ARIH1: variants seen among roughly 807,000 people sequenced by gnomAD.
ARIH1 encodes the protein ariadne RBR E3 ubiquitin protein ligase 1.
Under a neutral mutation model 85.0 loss-of-function variants are expected in ARIH1, and 8 were observed. The ratio of observed to expected loss-of-function variants is 0.09; its 90% CI spans 0.06 to 0.17. ARIH1 has a LOEUF of 0.17. Among genes scored for constraint, ARIH1 ranks in the 10% least tolerant of loss-of-function variants. The pLI, the probability that ARIH1 is intolerant of heterozygous loss-of-function variation, is 1.00. For synonymous variants in ARIH1, 238 were observed against 253.6 expected (o/e 0.94, Z 0.59); for missense variants, 311 against 718.1 (o/e 0.43, Z 6.48).
At position 72,582,020 on chromosome 15, in the gene ARIH1, G is replaced by T; in HGVS notation, c.1477-55G>T. The T allele has an allele frequency of 8.1e-7, 1 of 1,238,546 alleles. No individual in the cohort carries two copies. Among genetic ancestry groups the T allele is most frequent in the Non-Finnish European group, 1.2e-6 (1 of 851,816 alleles). 76.7% of individuals were successfully genotyped at this position (1,238,546 alleles called of 1,614,324 possible). A position where few individuals can be genotyped will look rare whatever the true frequency, so the allele number is the denominator to read the frequency against. Reference sequence around the variant, plus strand: ...CTGTAGTCAACAAAACAGTGAAAATGGTTTATCTTTTAGCTTTATTTTGAA... The same window carrying T: ...CTGTAGTCAACAAAACAGTGAAAATTGTTTATCTTTTAGCTTTATTTTGAA... On this transcript the variant is annotated intron_variant, in intron 12 of 13. Transcript: ENST00000379887. The surrounding 1 kb of genome is among the most constrained non-coding windows in gnomAD (Gnocchi z 4.6).
At chr15:72,496,956 C>A in intron 1 of ARIH1, 1 of 522,062 alleles carries the variant, frequency 1.9e-6, no homozygotes, top group Non-Finnish European at 2.5e-6. Context: ...TATTTAAGGG[C>A]ACATCATTTA....
chr15:72,534,582 A>C, intron 2 of ARIH1, among the ~76,000 whole-genome samples: 1 of 152,198 alleles, frequency 6.6e-6, no homozygotes, highest in East Asian at 1.9e-4. Context: ...GTAAACTTAC[A>C]TTTTGCCAAG....
At chr15:72,538,690 A>T (rs1308707448) in intron 2 of ARIH1, among the ~76,000 whole-genome samples, 1 of 152,218 alleles carries the variant, frequency 6.6e-6, no homozygotes, top group Non-Finnish European at 1.5e-5. Context: ...ATTATTTGGT[A>T]TGTTTCTCTA....
rs1346427533 is a variant in ARIH1 at position 72,566,327 on chromosome 15, G to T, written c.912-236G>T. 25 of 444,850 alleles carry T rather than the reference G, an allele frequency of 5.6e-5. No homozygotes were observed. In the East Asian group the frequency reaches 7.5e-4, roughly 13 times the overall value. 27.6% of individuals were successfully genotyped at this position (444,850 alleles called of 1,614,324 possible). A position where few individuals can be genotyped will look rare whatever the true frequency, so the allele number is the denominator to read the frequency against. ...ATTATTATGAAATTGTCATCAAAGCGTGTCTTCATGCTTATAGTCATTCTT... is the reference window on the plus strand; with the variant it reads ...ATTATTATGAAATTGTCATCAAAGCTTGTCTTCATGCTTATAGTCATTCTT... On this transcript the variant is annotated intron_variant, in intron 7 of 13. Coordinates refer to ENST00000379887, the MANE Select transcript of ARIH1 (RefSeq NM_005744.5).
chr15:72,485,283 G>A (rs970806736), intron 1 of ARIH1, among the ~76,000 whole-genome samples: 1 of 152,024 alleles, frequency 6.6e-6, no homozygotes, highest in Non-Finnish European at 1.5e-5. Flanking sequence ...TCTTACCTGG[G>A]GATTTTAAAA....
At chr15:72,516,149 C>T (rs1172039335) in intron 1 of ARIH1, among the ~76,000 whole-genome samples, 1 of 152,150 alleles carries the variant, frequency 6.6e-6, no homozygotes, top group African/African-American at 2.4e-5. Context: ...ATACTCCCTC[C>T]CCTCTGTTTT....
intron 11 of ARIH1, among the ~76,000 whole-genome samples, chr15:72,576,364 G>C (rs2064271162): frequency 6.6e-6 from 1 of 151,850 alleles, no homozygotes; most frequent in South Asian, 2.1e-4. Context: ...AAATTAGCTG[G>C]GCGTGGTGGC....
rs1034654077 is a variant in ARIH1 at position 72,474,548 on chromosome 15, A to T, written c.-92A>T. ...GCCGGAGCCAGGCCTGCGTCCGGAC[A>T]TCAGCCGGAGCCGGAGCGAGAGCCG... On this transcript the variant is annotated 5_prime_UTR_variant, in exon 1 of 14. Transcript: ENST00000379887. The T allele has an allele frequency of 7.0e-7, 1 of 1,420,554 alleles. No individual in the cohort carries two copies. The highest frequency in any genetic ancestry group is 1.4e-5 in the South Asian group (1 of 73,234). 88.0% of individuals were successfully genotyped at this position (1,420,554 alleles called of 1,614,324 possible). A position where few individuals can be genotyped will look rare whatever the true frequency, so the allele number is the denominator to read the frequency against.
At chr15:72,522,932 C>G (rs73444755) in intron 2 of ARIH1, among the ~76,000 whole-genome samples, 5,866 of 152,186 alleles carry the variant, frequency 0.039, 340 homozygotes, top group African/African-American at 0.13. Flanking sequence ...CAAATTAAAA[C>G]AACATTGAGA....
At chr15:72,540,977 C>T (rs184791128) in intron 2 of ARIH1, among the ~76,000 whole-genome samples, 112 of 152,108 alleles carry the variant, frequency 7.4e-4, no homozygotes, top group Admixed American at 1.7e-3. Context: ...GCTGTGGGGG[C>T]GACAAAGTCC....
chr15:72,548,937 T>C (rs1163234927), intron 3 of ARIH1, among the ~76,000 whole-genome samples: 2 of 152,226 alleles, frequency 1.3e-5, no homozygotes, highest in African/African-American at 4.8e-5. Flanking sequence ...GAGTGGCTGC[T>C]TCTTTCAAAA....
rs35497246 is a variant in ARIH1, at chr15:72,598,881, C to CTT, written c.*15600_*15601dup. On this transcript the variant is annotated 3_prime_UTR_variant, in exon 14 of 14. Transcript: ENST00000379887. The stretch of plus-strand genomic sequence containing the variant: ...CACAGTCATGTGCCACCATGCCTGG[C>CTT]TTTTTTTTTTTTGTAGAGTTTGGGT... The CTT allele has an allele frequency of 0.7, 98,988 of 141,050 alleles. 41,191 individuals carry two copies. The highest frequency in any genetic ancestry group is 0.91 in the Non-Finnish European group (59,314 of 65,460). 8.7% of individuals were successfully genotyped at this position (141,050 alleles called of 1,614,324 possible).
rs551767869 is a variant in ARIH1, at chr15:72,577,545, C to T, written c.1216-3186C>T. Among the ~76,000 whole-genome samples the T allele has an allele frequency of 1.5e-4, 23 of 151,900 alleles. No homozygotes were observed. The South Asian group carries it at 1.9e-3, about 12-fold the overall frequency. On this transcript the variant is annotated intron_variant, in intron 11 of 13. Coordinates refer to ENST00000379887, the MANE Select transcript of ARIH1 (RefSeq NM_005744.5). ...AAAATTAGCTGGGCGTGGTAGCAGG[C>T]GCCTGTAATCCGAGCTACTTGGGAA... is the stretch of plus-strand genomic sequence containing the variant.
At position 72,544,913 on chromosome 15, in the gene ARIH1, A is replaced by G. The variant is rs769548634; in HGVS notation, c.537A>G (p.Ser179=). 10 of 1,613,326 alleles carry G rather than the reference A, an allele frequency of 6.2e-6. No individual in the cohort carries two copies. Among genetic ancestry groups the G allele is most frequent in the Non-Finnish European group, 7.6e-6 (9 of 1,179,494 alleles). The change falls in exon 3 of 14, where the codon TCA becomes TCG. Residue 179 remains serine, a synonymous_variant. Transcript: ENST00000379887. ...KSRTRQMNTR[S]SAQDMPCQIC... ...GAACACGCCAGATGAATACAAGGTC[A>G]TCAGCACAGGATATGCCTTGTCAGA...
chr15:72,486,104 A>G (rs28736577), intron 1 of ARIH1, among the ~76,000 whole-genome samples: 5 of 151,554 alleles, frequency 3.3e-5, no homozygotes, highest in Admixed American at 1.3e-4. Context: ...TAAATTTTTA[A>G]TTTTTTTTTC....
intron 1 of ARIH1, among the ~76,000 whole-genome samples, chr15:72,516,991 GGCCCCGTT>G: frequency 6.6e-6 from 1 of 152,228 alleles, no homozygotes; most frequent in South Asian, 2.1e-4. Flanking sequence ...TGACTTCTTA[GGCCCCGTT>G]GCATTTTGAG....
rs564267977 is a variant in ARIH1 at position 72,523,078 on chromosome 15, G to A, written c.443+4944G>A. 1.7e-4 allele frequency among the ~76,000 whole-genome samples: 26 copies of A among 152,166 alleles called. 1 individual carries two copies. Among genetic ancestry groups the A allele is most frequent in the Non-Finnish European group, 3.5e-4 (24 of 68,036 alleles). On this transcript the variant is annotated intron_variant, in intron 2 of 13. Transcript: ENST00000379887. ...GTACAGCCACAAAATGGAAGACAGC[G>A]TGGCAGATTCTTAAAATACAAAATG...
At chr15:72,477,380 T>G (rs2063798806) in intron 1 of ARIH1, among the ~76,000 whole-genome samples, 1 of 152,256 alleles carries the variant, frequency 6.6e-6, no homozygotes, top group Non-Finnish European at 1.5e-5. Context: ...GAATTTTACT[T>G]AGTTTGCATT....
At chr15:72,515,799 A>G (rs1473649766) in intron 1 of ARIH1, among the ~76,000 whole-genome samples, 2 of 152,096 alleles carry the variant, frequency 1.3e-5, no homozygotes, top group East Asian at 1.9e-4. Context: ...TCTGTTCCAT[A>G]TATATATAGA....
Sources: gnomAD v4.1 joint callset for allele counts (sites outside exome capture counted in the v4.1 genomes callset) on GRCh38, gnomAD v4.1.1 for gene constraint, Gnocchi (gnomAD v3.1) non-coding constraint, MANE v1.5 for transcripts, NCBI Gene and HGNC (gene_info 2026-07-23, HGNC 2026-07-21) for gene names.